Variants in ANKFN1 observed in about 807,000 individuals in gnomAD.
ANKFN1 encodes ankyrin repeat and fibronectin type-III domain-containing protein 1.
Under a neutral mutation model 108.7 loss-of-function variants are expected in ANKFN1, and 74 were observed. That is an observed-to-expected ratio of 0.68 (90% CI 0.56 to 0.83). The LOEUF is 0.83. Among genes scored for constraint, ANKFN1 ranks in the 40% least tolerant of loss-of-function variants. The pLI is 0.00. For synonymous variants in ANKFN1, 547 were observed against 516.2 expected (o/e 1.06, Z -0.81); for missense variants, 1,505 against 1,382.3 (o/e 1.09, Z -1.41).
chr17:56,241,987 G>A (rs1055445839), intron 3 of ANKFN1, among the ~76,000 whole-genome samples: 8 of 147,576 alleles, frequency 5.4e-5, no homozygotes, highest in African/African-American at 9.8e-5. Context: ...CTTCATCACC[G>A]TACTCAGAAT....
chr17:56,478,579 G>A (rs946447320), intron 16 of ANKFN1, among the ~76,000 whole-genome samples: 9 of 152,072 alleles, frequency 5.9e-5, no homozygotes, highest in South Asian at 4.1e-4. Flanking sequence ...GTTAGCTTTG[G>A]GAAAGTTGCC....
At chr17:56,330,201 A>G (rs1264795962) in intron 4 of ANKFN1, among the ~76,000 whole-genome samples, 2 of 109,210 alleles carry the variant, frequency 1.8e-5, no homozygotes, top group East Asian at 6.5e-4. Context: ...AAGAGGTTTA[A>G]TGGAATCACA....
chr17:56,433,830 T>TTA (rs1598602621), intron 8 of ANKFN1, among the ~76,000 whole-genome samples: 1 of 143,552 alleles, frequency 7.0e-6, no homozygotes, highest in Admixed American at 7.0e-5. Context: ...CCTATGGAAA[T>TTA]AAAAAAAAAA....
intron 4 of ANKFN1, among the ~76,000 whole-genome samples, chr17:56,143,396 G>A (rs970515129): frequency 5.9e-5 from 9 of 152,128 alleles, no homozygotes; most frequent in South Asian, 2.1e-4. Context: ...TGGGACACAC[G>A]CCAGCTTGTC....
chr17:56,120,934 A>G (rs931247353), intron 4 of ANKFN1, among the ~76,000 whole-genome samples: 1 of 152,130 alleles, frequency 6.6e-6, no homozygotes, highest in East Asian at 1.9e-4. Context: ...TTTAGTCATC[A>G]TTACTCAAAC....
intron 8 of ANKFN1, among the ~76,000 whole-genome samples, chr17:56,393,020 C>T (rs1248548641): frequency 1.3e-5 from 2 of 151,962 alleles, no homozygotes; most frequent in Non-Finnish European, 2.9e-5. Context: ...CCTCTTTTTC[C>T]TGCCTTAGGT....
At chr17:56,102,930 G>T (rs1479043495) in intron 4 of ANKFN1, among the ~76,000 whole-genome samples, 1 of 152,186 alleles carries the variant, frequency 6.6e-6, no homozygotes, top group African/African-American at 2.4e-5. Context: ...AGAGAATTGT[G>T]TCTGGTGGGG....
At chr17:56,503,475 A>G (rs2051442072) in intron 20 of ANKFN1, among the ~76,000 whole-genome samples, 1 of 125,382 alleles carries the variant, frequency 8.0e-6, no homozygotes, top group Non-Finnish European at 1.6e-5. Context: ...AATTCACTGA[A>G]GCACAAATTT....
At chr17:56,152,281 T>G (rs1452115887), upstream of ANKFN1, among the ~76,000 whole-genome samples, 1 of 151,460 alleles carries the variant, frequency 6.6e-6, no homozygotes, top group Non-Finnish European at 1.5e-5. Context: ...TGTGTGTGTG[T>G]GTGTGTGTGT....
At chr17:56,131,407 G>A (rs555506283) in intron 4 of ANKFN1, among the ~76,000 whole-genome samples, 4 of 152,272 alleles carry the variant, frequency 2.6e-5, no homozygotes, top group Admixed American at 6.5e-5. Context: ...GAAAGTTTGC[G>A]TGAAGCACTT....
chr17:56,233,223 A>AAACAACTT (rs1916865427), intron 3 of ANKFN1, among the ~76,000 whole-genome samples: 1 of 152,098 alleles, frequency 6.6e-6, no homozygotes, highest in Non-Finnish European at 1.5e-5. Flanking sequence ...GAGAAACAAA[A>AAACAACTT]AACAACTTTG....
intron 3 of ANKFN1, among the ~76,000 whole-genome samples, chr17:56,269,436 T>A (rs909807514): frequency 6.6e-6 from 1 of 152,148 alleles, no homozygotes; most frequent in Non-Finnish European, 1.5e-5. Flanking sequence ...ATTTTACAGA[T>A]GAGAAAGCTG....
chr17:56,443,591 T>C (rs1162287584), intron 10 of ANKFN1, among the ~76,000 whole-genome samples: 1 of 152,154 alleles, frequency 6.6e-6, no homozygotes, highest in Admixed American at 6.5e-5. Context: ...CAAATCTTAC[T>C]GATCTGACAC....
At chr17:56,382,404 G>A (rs1248778684) in intron 8 of ANKFN1, among the ~76,000 whole-genome samples, 1 of 152,150 alleles carries the variant, frequency 6.6e-6, no homozygotes, top group Non-Finnish European at 1.5e-5. Context: ...ATCGAGGCTA[G>A]GAAGAAACTG....
At chr17:56,166,990 T>G (rs781082485) in intron 1 of ANKFN1, among the ~76,000 whole-genome samples, 9 of 152,052 alleles carry the variant, frequency 5.9e-5, no homozygotes, top group Non-Finnish European at 8.8e-5. Flanking sequence ...CATCACTATA[T>G]ACCCAGCCCC....
intron 8 of ANKFN1, among the ~76,000 whole-genome samples, chr17:56,419,250 G>A (rs1431952071): frequency 6.7e-6 from 1 of 149,372 alleles, no homozygotes; most frequent in Non-Finnish European, 1.5e-5. Flanking sequence ...GGGAGGCCGA[G>A]GCGGGCAGAT....
At chr17:56,351,002 A>G (rs2046234655) in intron 5 of ANKFN1, 35 bp downstream of exon 5, 1 of 1,589,354 alleles carries the variant, frequency 6.3e-7, no homozygotes, top group South Asian at 1.1e-5. Flanking sequence ...TGTCAGTTTG[A>G]TTTATTCATT....
chr17:56,506,188 A>C (rs565479749), intron 20 of ANKFN1, among the ~76,000 whole-genome samples: 1 of 151,982 alleles, frequency 6.6e-6, no homozygotes, highest in East Asian at 1.9e-4. Context: ...TATTAGTTAT[A>C]TCTCCTGATG....
At chr17:56,328,577 A>C (rs1203679811) in intron 4 of ANKFN1, among the ~76,000 whole-genome samples, 2 of 152,212 alleles carry the variant, frequency 1.3e-5, no homozygotes, top group East Asian at 3.9e-4. Context: ...CCTGTCTCTA[A>C]GAACTTCACT....
Sources: allele counts gnomAD v4.1 joint callset (sites outside exome capture counted in the v4.1 genomes callset), GRCh38; gene constraint gnomAD v4.1.1; transcripts MANE v1.5; gene names NCBI Gene and HGNC (gene_info 2026-07-23, HGNC 2026-07-21).